The following GFRAL variants were observed in gnomAD, a reference collection of about 807,000 sequenced individuals.
GFRAL encodes GDNF family receptor alpha-like.
A neutral mutation model predicts 45.4 loss-of-function variants in GFRAL; 36 were observed. The observed-to-expected ratio is 0.79, with a 90% CI of 0.61 to 1.05. The LOEUF is 1.05. GFRAL is among the 50% of genes least tolerant of loss of function. GFRAL has a pLI of 0.00. For synonymous variants in GFRAL, 166 were observed against 154.1 expected, an observed-to-expected ratio of 1.08 and a Z score of -0.57; for missense variants, 507 against 467.5, an observed-to-expected ratio of 1.08 and a Z score of -0.78.
rs1767965896 is a variant in GFRAL, at chr6:55,341,571, GA to G, written c.316+7633del. ...AGGTAGATAAAACCACAAAGATGGG[GA>G]AAAAACAGAGCAGAAAAGCTGAGAA... On this transcript the variant is annotated intron_variant, in intron 3 of 8. Coordinates refer to ENST00000340465, the MANE Select transcript of GFRAL (RefSeq NM_207410.2). 2.6e-5 allele frequency among the ~76,000 whole-genome samples: 4 copies of G among 152,216 alleles called. No individual in the cohort carries two copies. In the South Asian group the frequency reaches 8.3e-4, roughly 32 times the overall value.
At chr6:55,400,984 T>G (rs1768889663) in intron 8 of GFRAL, among the ~76,000 whole-genome samples, 1 of 152,088 alleles carries the variant, frequency 6.6e-6, no homozygotes, top group African/African-American at 2.4e-5. Flanking sequence ...ATCCCACTGG[T>G]TTTTAGATAC....
intron 3 of GFRAL, among the ~76,000 whole-genome samples, chr6:55,343,860 C>T (rs1169488139): frequency 1.3e-5 from 2 of 151,732 alleles, no homozygotes; most frequent in African/African-American, 4.8e-5. Flanking sequence ...CCATTTAATA[C>T]AGAAATACAT....
At chr6:55,341,738 A>T (rs183991575) in intron 3 of GFRAL, among the ~76,000 whole-genome samples, 1 of 152,160 alleles carries the variant, frequency 6.6e-6, no homozygotes, top group East Asian at 1.9e-4. Context: ...CTAAAGGAGG[A>T]TGTTCGAACC....
chr6:55,376,462 G>A (rs1223071125), intron 6 of GFRAL, among the ~76,000 whole-genome samples: 1 of 151,910 alleles, frequency 6.6e-6, no homozygotes, highest in Non-Finnish European at 1.5e-5. Context: ...ACCTCTGGTA[G>A]GATTCAGGTG....
At chr6:55,388,937 TTAAG>T (rs1768713917) in intron 6 of GFRAL, among the ~76,000 whole-genome samples, 2 of 152,148 alleles carry the variant, frequency 1.3e-5, no homozygotes, top group African/African-American at 4.8e-5. Context: ...CCCTCACTAA[TTAAG>T]TATTTCATTT....
Position 55,333,817 on chromosome 6 carries a change from ATCATAC to A in GFRAL, c.191_196del (p.Ser64_Tyr65del). On this transcript the variant is annotated inframe_deletion, in exon 3 of 9. Coordinates refer to ENST00000340465, the MANE Select transcript of GFRAL (RefSeq NM_207410.2). Reference sequence around the variant, plus strand: ...GTGACCCCTGCAAGATGAGGAATTCATCATACTGTAACCTGAGTATCCAGTACTTAG... The same window carrying A: ...GTGACCCCTGCAAGATGAGGAATTCATGTAACCTGAGTATCCAGTACTTAG... 1 of 1,605,070 alleles carries A rather than the reference ATCATAC, an allele frequency of 6.2e-7. No homozygotes were observed. Among genetic ancestry groups the A allele is most frequent in the African/African-American group, 1.3e-5 (1 of 74,644 alleles).
intron 6 of GFRAL, among the ~76,000 whole-genome samples, chr6:55,385,806 C>T (rs1768674608): frequency 6.6e-6 from 1 of 152,054 alleles, no homozygotes; most frequent in South Asian, 2.1e-4. Context: ...CTATCCCTAC[C>T]TCCACCAGGT....
At chr6:55,370,757 G>A (rs1363891724) in intron 6 of GFRAL, among the ~76,000 whole-genome samples, 2 of 152,160 alleles carry the variant, frequency 1.3e-5, no homozygotes, top group Non-Finnish European at 2.9e-5. Context: ...AGTTACATAG[G>A]CCCTGTGCTC....
At chr6:55,386,700 A>G (rs895392344) in intron 6 of GFRAL, among the ~76,000 whole-genome samples, 3 of 152,090 alleles carry the variant, frequency 2.0e-5, no homozygotes, top group Non-Finnish European at 1.5e-5. Flanking sequence ...TCAAAATTCA[A>G]AATTCCCTCA....
intron 6 of GFRAL, among the ~76,000 whole-genome samples, chr6:55,360,110 A>G (rs887107492): frequency 3.3e-5 from 5 of 152,040 alleles, no homozygotes; most frequent in Non-Finnish European, 7.4e-5. Context: ...TCAGCATCTC[A>G]AAGTGAGCTA....
intron 1 of GFRAL, among the ~76,000 whole-genome samples, chr6:55,329,478 G>T (rs1314481390): frequency 6.6e-6 from 1 of 152,056 alleles, no homozygotes; most frequent in African/African-American, 2.4e-5. Flanking sequence ...AAGATATAAT[G>T]ATTAATGGCA....
At chr6:55,338,975 A>G (rs1411364998) in intron 3 of GFRAL, among the ~76,000 whole-genome samples, 1 of 152,176 alleles carries the variant, frequency 6.6e-6, no homozygotes, top group South Asian at 2.1e-4. Flanking sequence ...AGAGGATGGA[A>G]TGGGAGGCAA....
At chr6:55,336,419 C>A (rs1196703298) in intron 3 of GFRAL, among the ~76,000 whole-genome samples, 1 of 152,122 alleles carries the variant, frequency 6.6e-6, no homozygotes, top group Admixed American at 6.5e-5. Flanking sequence ...TGATGTAGTT[C>A]ATCAGTATTT....
intron 3 of GFRAL, among the ~76,000 whole-genome samples, chr6:55,342,548 C>T (rs530529122): frequency 3.9e-5 from 6 of 152,144 alleles, no homozygotes; most frequent in South Asian, 4.1e-4. Flanking sequence ...AAGGGACAAC[C>T]GGTACCCAGC....
At chr6:55,338,070 A>G (rs141451994) in intron 3 of GFRAL, among the ~76,000 whole-genome samples, 1,989 of 152,028 alleles carry the variant, frequency 0.013, 23 homozygotes, top group Non-Finnish European at 0.022. Flanking sequence ...TGTGACTTCC[A>G]CTTTGTTATG....
intron 6 of GFRAL, among the ~76,000 whole-genome samples, chr6:55,365,665 G>A (rs1768351668): frequency 7.1e-6 from 1 of 141,296 alleles, no homozygotes; most frequent in Non-Finnish European, 1.5e-5. Context: ...GTTGAATTTT[G>A]TCAAAGGCTT....
chr6:55,387,734 A>G (rs961088544), intron 6 of GFRAL, among the ~76,000 whole-genome samples: 12 of 152,192 alleles, frequency 7.9e-5, no homozygotes, highest in Non-Finnish European at 1.5e-5. Context: ...CATCTGCTGG[A>G]GTTCTTTTCA....
chr6:55,344,965 T>C (rs7760903), intron 3 of GFRAL, among the ~76,000 whole-genome samples: 75,764 of 151,906 alleles, frequency 0.5, 20,459 homozygotes, highest in Non-Finnish European at 0.63. Flanking sequence ...AATAAAATAC[T>C]TAGGAATCCA....
At chr6:55,334,176 C>T (rs987128634) in intron 3 of GFRAL, among the ~76,000 whole-genome samples, 2 of 152,030 alleles carry the variant, frequency 1.3e-5, no homozygotes, top group African/African-American at 4.8e-5. Context: ...AGCCATAGAC[C>T]TCAGTAAGTG....
Sources: allele counts gnomAD v4.1 joint callset (sites outside exome capture counted in the v4.1 genomes callset), GRCh38; gene constraint gnomAD v4.1.1; transcripts MANE v1.5; gene names NCBI Gene and HGNC (gene_info 2026-07-23, HGNC 2026-07-21).